Variants in MCTP1 observed in about 807,000 individuals in gnomAD.
MCTP1 encodes the protein multiple C2 and transmembrane domain containing 1, also known as multiple C2 and transmembrane domain-containing protein 1.
MCTP1 carries 69 observed loss-of-function variants against 120.6 expected under a neutral mutation model. The observed-to-expected ratio is 0.57, with a 90% confidence interval of 0.47 to 0.70. MCTP1 has a LOEUF of 0.70. Among genes scored for constraint, MCTP1 ranks in the 30% least tolerant of loss-of-function variants. The pLI, the probability that MCTP1 is intolerant of heterozygous loss-of-function variation, is 0.00. For missense variants in MCTP1, 1,203 were observed against 1,248.8 expected, an observed-to-expected ratio of 0.96 and a Z score of 0.55; for synonymous variants, 529 against 493.1, an observed-to-expected ratio of 1.07 and a Z score of -0.96.
intron 1 of MCTP1, among the ~76,000 whole-genome samples, chr5:95,023,005 A>T (rs535071933): frequency 1.3e-5 from 2 of 152,164 alleles, no homozygotes; most frequent in Non-Finnish European, 2.9e-5. Context: ...AGGAGGGAGC[A>T]TCAGAAAAAA....
intron 1 of MCTP1, among the ~76,000 whole-genome samples, chr5:95,170,622 A>C (rs1384433313): frequency 1.3e-5 from 2 of 152,184 alleles, no homozygotes; most frequent in African/African-American, 4.8e-5. Context: ...TATTTAGGAT[A>C]GTTAGCTCTT....
chr5:94,770,519 A>T (rs1225917245), intron 19 of MCTP1, among the ~76,000 whole-genome samples: 3 of 152,232 alleles, frequency 2.0e-5, no homozygotes, highest in Non-Finnish European at 4.4e-5. Context: ...CTTGATGGAC[A>T]TTCTTACCAA....
In MCTP1 at chr5:94,781,595, G is replaced by C. The variant is rs554621960; in HGVS notation, c.2557-2432C>G. On this transcript the variant is annotated intron_variant, in intron 18 of 22. Transcript: ENST00000515393. ...CATGAATATTTAACCATTAAGGTTG[G>C]AGAATCTCCACTATCTTCAAATTAA... 7.9e-5 allele frequency among the ~76,000 whole-genome samples: 12 copies of C among 152,236 alleles called. No individual in the cohort carries two copies. In the South Asian group the frequency reaches 8.3e-4, roughly 11 times the overall value.
chr5:95,126,138 C>G (rs1332054843), intron 1 of MCTP1, among the ~76,000 whole-genome samples: 1 of 152,136 alleles, frequency 6.6e-6, no homozygotes, highest in African/African-American at 2.4e-5. Context: ...AGAAGATACT[C>G]AGATGAAACT....
At chr5:94,866,761 A>G (rs1796897851) in intron 17 of MCTP1, among the ~76,000 whole-genome samples, 1 of 151,000 alleles carries the variant, frequency 6.6e-6, no homozygotes, top group African/African-American at 2.4e-5. Context: ...TTTTTTTTAG[A>G]ATCAAAAGGA....
chr5:94,821,543 T>C (rs1184768958), intron 17 of MCTP1, among the ~76,000 whole-genome samples: 1 of 152,226 alleles, frequency 6.6e-6, no homozygotes, highest in Non-Finnish European at 1.5e-5. Context: ...CAATTTGTAA[T>C]ATTGTATGTA....
chr5:95,177,964 C>T (rs944427151), intron 1 of MCTP1, among the ~76,000 whole-genome samples: 2 of 152,156 alleles, frequency 1.3e-5, no homozygotes, highest in East Asian at 3.8e-4. Context: ...GTAGTGCCTA[C>T]AAATCAAATT....
intron 12 of MCTP1, among the ~76,000 whole-genome samples, chr5:94,886,113 G>C (rs1423982755): frequency 1.3e-5 from 2 of 152,338 alleles, no homozygotes; most frequent in East Asian, 1.9e-4. Flanking sequence ...TACTGTAGTA[G>C]TGTTCAGCTG....
At chr5:94,863,357 C>T (rs1374649753) in intron 17 of MCTP1, among the ~76,000 whole-genome samples, 4 of 151,680 alleles carry the variant, frequency 2.6e-5, no homozygotes, top group African/African-American at 9.7e-5. Flanking sequence ...GCAATAACAA[C>T]AAAAACTCTT....
chr5:94,931,245 C>G (rs1814590746), intron 6 of MCTP1: 1 of 152,060 alleles, frequency 6.6e-6, no homozygotes. Flanking sequence ...AAAAGGAATA[C>G]TGACTCTAAG....
chr5:95,187,236 G>A (rs1328810429), intron 1 of MCTP1, among the ~76,000 whole-genome samples: 1 of 152,190 alleles, frequency 6.6e-6, no homozygotes, highest in African/African-American at 2.4e-5. Context: ...TAAAGGAAAT[G>A]TGGTACATAT....
In MCTP1 at chr5:95,030,958, T is replaced by TA. The variant is rs918257185; in HGVS notation, c.721-13475dup. Among the ~76,000 whole-genome samples, 254 of 146,778 alleles carry TA rather than the reference T, an allele frequency of 1.7e-3. 1 individual carries two copies. Among genetic ancestry groups the TA allele is most frequent in the African/African-American group, 5.7e-3 (230 of 40,200 alleles). On this transcript the variant is annotated intron_variant, in intron 1 of 22. Transcript: ENST00000515393. ...GATATGAAAGACAAGATAGCTACAT[T>TA]AAAAAAAAAATAGAACTCCAGAATA...
At chr5:94,890,053 C>T (rs538268142) in intron 11 of MCTP1, among the ~76,000 whole-genome samples, 1 of 152,002 alleles carries the variant, frequency 6.6e-6, no homozygotes, top group African/African-American at 2.4e-5. Context: ...GGTTGGAGTG[C>T]AGTAGCATGA....
chr5:94,825,635 T>C (rs1160369820), intron 17 of MCTP1, among the ~76,000 whole-genome samples: 2 of 152,096 alleles, frequency 1.3e-5, no homozygotes, highest in Non-Finnish European at 2.9e-5. Flanking sequence ...ATATTGACAG[T>C]GGGGTGTTAA....
chr5:95,029,532 T>C (rs1228127088), intron 1 of MCTP1, among the ~76,000 whole-genome samples: 6 of 152,084 alleles, frequency 3.9e-5, no homozygotes, highest in East Asian at 1.9e-4. Context: ...GGAGAATCCA[T>C]GGGAAGAAGC....
chr5:95,179,594 G>A (rs1311773087), intron 1 of MCTP1, among the ~76,000 whole-genome samples: 3 of 152,124 alleles, frequency 2.0e-5, no homozygotes, highest in African/African-American at 7.2e-5. Context: ...ATAAATGAAG[G>A]AAAGATACAG....
intron 1 of MCTP1, among the ~76,000 whole-genome samples, chr5:95,154,034 C>A (rs889706960): frequency 2.0e-5 from 3 of 152,154 alleles, no homozygotes; most frequent in African/African-American, 4.8e-5. Context: ...ACAAATATTC[C>A]TTTATGATAA....
rs1178686916 is a variant in MCTP1 at position 94,953,248 on chromosome 5, C to T, written c.952G>A (p.Asp318Asn). 1.9e-6 allele frequency: 3 copies of T among 1,612,516 alleles called. No homozygotes were observed. Among genetic ancestry groups the T allele is most frequent in the Non-Finnish European group, 2.5e-6 (3 of 1,179,368 alleles). Residue 318 changes from aspartate to asparagine, a missense_variant, in exon 3 of 23, where the codon GAT becomes AAT. Transcript: ENST00000515393. ...ATATACAATGGCTCCCTAAGATGATCAACCAGAATACAAGCTTTTTCTTCC... is the reference window on the plus strand; with the variant it reads ...ATATACAATGGCTCCCTAAGATGATTAACCAGAATACAAGCTTTTTCTTCC... The part of the protein sequence containing the change: ...VWEEKACILV[D>N]HLREPLYIKV...
chr5:95,274,494 C>G (rs947680703), intron 1 of MCTP1, among the ~76,000 whole-genome samples: 1 of 152,142 alleles, frequency 6.6e-6, no homozygotes, highest in African/African-American at 2.4e-5. Context: ...TCAATTATCC[C>G]CCTTTCTCCT....
Sources: gnomAD v4.1 joint callset for allele counts (sites outside exome capture counted in the v4.1 genomes callset) on GRCh38, gnomAD v4.1.1 for gene constraint, MANE v1.5 for transcripts, NCBI Gene and HGNC (gene_info 2026-07-23, HGNC 2026-07-21) for gene names.